The following CHD9 variants were observed in gnomAD, a reference collection of about 807,000 sequenced individuals.
The protein encoded by CHD9 is ATP-dependent chromatin remodeler CHD9.
Under a neutral mutation model 316.1 loss-of-function variants are expected in CHD9, and 77 were observed. The observed-to-expected ratio is 0.24, with a 90% CI of 0.20 to 0.29. The LOEUF is 0.29. Among genes scored for constraint, CHD9 ranks in the 10% least tolerant of loss-of-function variants. CHD9 has a pLI of 1.00. For missense variants in CHD9, 2,763 were observed against 3,438.1 expected (o/e 0.80, Z 4.91); for synonymous variants, 1,129 against 1,158.3 (o/e 0.97, Z 0.51).
intron 2 of CHD9, among the ~76,000 whole-genome samples, chr16:53,195,022 A>C (rs1286154295): frequency 1.3e-5 from 2 of 152,256 alleles, no homozygotes; most frequent in African/African-American, 4.8e-5. Flanking sequence ...TAAGATTACA[A>C]AATGTTCTTC....
At chr16:53,159,958 G>A (rs1219148383) in intron 2 of CHD9, among the ~76,000 whole-genome samples, 1 of 152,096 alleles carries the variant, frequency 6.6e-6, no homozygotes, top group African/African-American at 2.4e-5. Flanking sequence ...CATATTTTTT[G>A]AAATGTCTAG....
At chr16:53,198,378 G>A (rs2152841912) in intron 2 of CHD9, among the ~76,000 whole-genome samples, 1 of 147,408 alleles carries the variant, frequency 6.8e-6, no homozygotes, top group Admixed American at 6.8e-5. Context: ...GAGTACAGTG[G>A]CGTAGTGGTG....
intron 2 of CHD9, among the ~76,000 whole-genome samples, chr16:53,189,923 G>C (rs1040627437): frequency 2.0e-5 from 3 of 152,014 alleles, no homozygotes; most frequent in Non-Finnish European, 4.4e-5. Flanking sequence ...TTTTGTACTT[G>C]TTTTTTTGCA....
At chr16:53,063,064 T>G (rs1307246923) in intron 1 of CHD9, among the ~76,000 whole-genome samples, 1 of 151,948 alleles carries the variant, frequency 6.6e-6, no homozygotes, top group Non-Finnish European at 1.5e-5. Flanking sequence ...TAGAAAAATA[T>G]ATATGTATAA....
intron 19 of CHD9, among the ~76,000 whole-genome samples, chr16:53,258,318 G>A (rs2050783070): frequency 6.6e-6 from 1 of 152,216 alleles, no homozygotes; most frequent in East Asian, 1.9e-4. Context: ...TGAGAATTGA[G>A]AAATGCTTAA....
chr16:53,208,572 C>A, intron 2 of CHD9: 2 of 1,022,376 alleles, frequency 2.0e-6, no homozygotes, highest in Non-Finnish European at 2.4e-6. Flanking sequence ...TTTCCCAGTG[C>A]TGCAGTGCTG....
intron 2 of CHD9, among the ~76,000 whole-genome samples, chr16:53,174,551 G>A (rs1597288620): frequency 1.3e-5 from 2 of 151,880 alleles, no homozygotes; most frequent in Non-Finnish European, 2.9e-5. Flanking sequence ...TTTCTGTTTT[G>A]TGTTTATATT....
chr16:53,146,010 G>C (rs2040543725), intron 1 of CHD9, among the ~76,000 whole-genome samples: 1 of 152,006 alleles, frequency 6.6e-6, no homozygotes, highest in South Asian at 2.1e-4. Context: ...GAGTTGTCTA[G>C]AGTTGTTATA....
chr16:53,235,201 A>G lies in CHD9; in HGVS notation c.2528A>G (p.Asn843Ser). Residue 843 changes from asparagine (N) to serine (S), a missense_variant, in exon 11 of 39, where the codon AAT becomes AGT. Physicochemically the swap from Asn to Ser is conservative, Grantham distance 46 (BLOSUM62 1). Transcript: ENST00000447540. The stretch of plus-strand genomic sequence containing the variant: ...TCCACAAAGGACCGTCCTCCTTCTA[A>G]TATTTGGAAGAAAATAGATCAATCC... The part of the protein sequence containing the change: ...DTRRLDRPPS[N>S]IWKKIDQSRD... 1 of 1,556,704 alleles carries G rather than the reference A, an allele frequency of 6.4e-7. No homozygotes were observed. The highest frequency in any genetic ancestry group is 8.7e-7 in the Non-Finnish European group (1 of 1,148,286).
intron 1 of CHD9, among the ~76,000 whole-genome samples, chr16:53,130,238 C>A (rs2039161490): frequency 6.6e-6 from 1 of 152,196 alleles, no homozygotes; most frequent in East Asian, 1.9e-4. Flanking sequence ...CATCGCGACA[C>A]GCTCCGTGCT....
rs143556960 is a variant in CHD9, at chr16:53,180,504, A to G, written c.1452+22963A>G. Among the ~76,000 whole-genome samples, 383 of 152,212 alleles carry G rather than the reference A, an allele frequency of 2.5e-3. 5 individuals are homozygous for G. Among genetic ancestry groups the G allele is most frequent in the African/African-American group, 8.8e-3 (365 of 41,544 alleles). ...AATATTTTGAAACTTTTAGTGATGT[A>G]TTTAGGGGAATTATAGAGACAGTAC... On this transcript the variant is annotated intron_variant, in intron 2 of 38. Transcript: ENST00000447540.
intron 3 of CHD9, among the ~76,000 whole-genome samples, chr16:53,218,477 G>C (rs1043003228): frequency 2.0e-5 from 3 of 152,050 alleles, no homozygotes; most frequent in African/African-American, 7.2e-5. Flanking sequence ...TAGAGATTTA[G>C]GTAATATTTA....
intron 4 of CHD9, among the ~76,000 whole-genome samples, chr16:53,225,024 G>A (rs1002778048): frequency 2.0e-5 from 3 of 152,106 alleles, no homozygotes; most frequent in Admixed American, 1.3e-4. Context: ...ATGAGGCATG[G>A]TGTTATCTAG....
chr16:53,231,907 G>C (rs2048208728), intron 10 of CHD9, 123 bp downstream of exon 10: 1 of 944,890 alleles, frequency 1.1e-6, no homozygotes, highest in African/African-American at 1.7e-5. Context: ...TACTATGTGA[G>C]TCTAGTTTTG....
intron 19 of CHD9, among the ~76,000 whole-genome samples, chr16:53,261,647 G>A (rs2051141617): frequency 6.6e-6 from 1 of 152,090 alleles, no homozygotes; most frequent in Non-Finnish European, 1.5e-5. Flanking sequence ...AGAGTTTTGG[G>A]ATTTACAGAC....
At chr16:53,068,915 A>T (rs964813971) in intron 1 of CHD9, among the ~76,000 whole-genome samples, 2 of 152,236 alleles carry the variant, frequency 1.3e-5, no homozygotes, top group Admixed American at 1.3e-4. Flanking sequence ...TATTTTATAT[A>T]TATCCACATA....
chr16:53,247,316 G>A lies in CHD9; in HGVS notation c.3478G>A (p.Glu1160Lys), dbSNP rs1193240639. The A allele has an allele frequency of 1.2e-6, 2 of 1,601,404 alleles. No homozygotes were observed. Among genetic ancestry groups the A allele is most frequent in the Admixed American group, 3.4e-5 (2 of 58,274 alleles). The part of the protein sequence containing the change: ...IKGAEEKILG[E>K]FRDTYNPAAS... The stretch of plus-strand genomic sequence containing the variant: ...AGGTGCTGAGGAGAAAATACTTGGA[G>A]AATTTAGAGATACTTACAATCCAGC... The change falls in exon 16 of 39, where the codon GAA becomes AAA. Residue 1160 changes from glutamate to lysine, a missense_variant. Glu to Lys is a moderately conservative substitution (Grantham distance 56). Transcript: ENST00000447540.
intron 1 of CHD9, among the ~76,000 whole-genome samples, chr16:53,062,241 G>A (rs922171698): frequency 6.6e-6 from 1 of 152,236 alleles, no homozygotes. Flanking sequence ...AGAGGCAACA[G>A]TAAGTGTGAC....
At chr16:53,122,602 T>C (rs2038789936) in intron 1 of CHD9, among the ~76,000 whole-genome samples, 2 of 149,994 alleles carry the variant, frequency 1.3e-5, no homozygotes, top group African/African-American at 4.9e-5. Flanking sequence ...TGGAGTACAG[T>C]GGCACAATCT....
Sources: gnomAD v4.1 joint callset for allele counts (sites outside exome capture counted in the v4.1 genomes callset) on GRCh38, gnomAD v4.1.1 for gene constraint, MANE v1.5 for transcripts, NCBI Gene and HGNC (gene_info 2026-07-23, HGNC 2026-07-21) for gene names.